SMYD3: variants seen among roughly 807,000 people sequenced by gnomAD.
The protein encoded by SMYD3 is histone-lysine N-methyltransferase SMYD3.
SMYD3 carries 36 observed loss-of-function variants against 57.7 expected under a neutral mutation model. The ratio of observed to expected loss-of-function variants is 0.62; its 90% confidence interval spans 0.48 to 0.82. The LOEUF (loss-of-function observed/expected upper bound fraction) is 0.82. Among genes scored for constraint, SMYD3 ranks in the 40% least tolerant of loss-of-function variants. The pLI is 0.00. For missense variants in SMYD3, 515 were observed against 538.8 expected, an observed-to-expected ratio of 0.96 and a Z score of 0.44; for synonymous variants, 211 against 195.0, an observed-to-expected ratio of 1.08 and a Z score of -0.68.
chr1:245,855,182 T>C (rs1269529511), intron 10 of SMYD3, among the ~76,000 whole-genome samples: 1 of 152,226 alleles, frequency 6.6e-6, no homozygotes, highest in African/African-American at 2.4e-5. Flanking sequence ...CTGAAAGTCC[T>C]CTTCAAAGCC....
intron 5 of SMYD3, among the ~76,000 whole-genome samples, chr1:246,316,493 G>A (rs1161790343): frequency 6.6e-6 from 1 of 150,460 alleles, no homozygotes; most frequent in Non-Finnish European, 1.5e-5. Context: ...CTGAGTAGCT[G>A]GGATTACAGG....
chr1:246,067,736 C>T (rs779625208), intron 5 of SMYD3, among the ~76,000 whole-genome samples: 7 of 152,128 alleles, frequency 4.6e-5, no homozygotes, highest in African/African-American at 1.4e-4. Context: ...TGCACAGCGA[C>T]GATTTACATC....
intron 5 of SMYD3, among the ~76,000 whole-genome samples, chr1:246,208,846 G>A (rs1055493489): frequency 6.6e-6 from 1 of 152,048 alleles, no homozygotes; most frequent in African/African-American, 2.4e-5. Flanking sequence ...ATGTGGAATG[G>A]GGGAAAACCA....
chr1:245,877,369 G>T lies in SMYD3; in HGVS notation c.814-13483C>A, dbSNP rs182505703. ...AGGTAGAGAGGTAGGGAAGGGGTCA[G>T]ATCAAAGAATGAATTTGATCCTGCA... On this transcript the variant is annotated intron_variant, in intron 8 of 11. Coordinates refer to ENST00000490107, the MANE Select transcript of SMYD3 (RefSeq NM_001167740.2). 2.0e-5 allele frequency among the ~76,000 whole-genome samples: 3 copies of T among 152,352 alleles called. No individual in the cohort carries two copies. In the East Asian group the frequency reaches 5.8e-4, roughly 29 times the overall value.
chr1:245,914,996 A>C lies in SMYD3; in HGVS notation c.813+534T>G, dbSNP rs34300391. Reference sequence around the variant, plus strand: ...GGGACATGAGGGCACTTTTTTGGGAAACGAAACCATTCTGTATCTTGATTT... The same window carrying C: ...GGGACATGAGGGCACTTTTTTGGGACACGAAACCATTCTGTATCTTGATTT... On this transcript the variant is annotated intron_variant, in intron 8 of 11. Transcript: ENST00000490107. Among the ~76,000 whole-genome samples the C allele has an allele frequency of 6.1e-3, 931 of 152,208 alleles. 5 individuals are homozygous for C. Among genetic ancestry groups the C allele is most frequent in the Admixed American group, 0.012 (184 of 15,282 alleles).
intron 5 of SMYD3, among the ~76,000 whole-genome samples, chr1:246,051,338 C>T (rs1455867023): frequency 6.6e-6 from 1 of 151,984 alleles, no homozygotes; most frequent in Non-Finnish European, 1.5e-5. Context: ...ACAGGATGGT[C>T]TCGAACTCCT....
chr1:246,247,080 T>C (rs1413291376), intron 5 of SMYD3, among the ~76,000 whole-genome samples: 1 of 152,146 alleles, frequency 6.6e-6, no homozygotes, highest in African/African-American at 2.4e-5. Flanking sequence ...TACAGAATTG[T>C]AAACTTAATT....
chr1:245,858,820 G>A, intron 9 of SMYD3, 150 bp from the exon 10 acceptor site: 1 of 752,458 alleles, frequency 1.3e-6, no homozygotes, highest in Non-Finnish European at 2.1e-6. Flanking sequence ...AAACACACTT[G>A]AGAAGCAAAA....
At chr1:246,147,232 T>C (rs2061861277) in intron 5 of SMYD3, among the ~76,000 whole-genome samples, 1 of 149,122 alleles carries the variant, frequency 6.7e-6, no homozygotes, top group South Asian at 2.1e-4. Context: ...AATTTCCCAG[T>C]CCAAGGAAAG....
At chr1:246,016,676 A>G (rs1450230091) in intron 5 of SMYD3, among the ~76,000 whole-genome samples, 1 of 152,086 alleles carries the variant, frequency 6.6e-6, no homozygotes, top group Non-Finnish European at 1.5e-5. Context: ...TCTTGCTCTC[A>G]GTAGGACAAA....
At chr1:246,248,633 TTCC>T (rs796432563) in intron 5 of SMYD3, among the ~76,000 whole-genome samples, 6 of 96,370 alleles carry the variant, frequency 6.2e-5, no homozygotes, top group African/African-American at 2.3e-4. Context: ...CTCTCTGACT[TTCC>T]TTTTTTTTTT....
At chr1:245,985,565 C>T (rs2058688050) in intron 5 of SMYD3, among the ~76,000 whole-genome samples, 1 of 152,164 alleles carries the variant, frequency 6.6e-6, no homozygotes, top group South Asian at 2.1e-4. Flanking sequence ...GTCCAATCCA[C>T]CTCTTAACTG....
At chr1:245,804,828 G>A (rs1229932368) in intron 10 of SMYD3, among the ~76,000 whole-genome samples, 1 of 152,122 alleles carries the variant, frequency 6.6e-6, no homozygotes, top group Non-Finnish European at 1.5e-5. Context: ...GAACCTGCCA[G>A]TGCCTGGATC....
rs138087298 is a variant in SMYD3, at chr1:246,064,782, C to A, written c.532-134845G>T. Among the ~76,000 whole-genome samples the A allele has an allele frequency of 5.4e-4, 83 of 152,352 alleles. 1 individual carries two copies. The East Asian group carries it at 0.014, about 26-fold the overall frequency. On this transcript the variant is annotated intron_variant, in intron 5 of 11. Transcript: ENST00000490107. ...CCATCCCCCGGCCTTCTAGACCGGA[C>A]TGAACTTAGACGATTTTGGCACAGA...
intron 5 of SMYD3, among the ~76,000 whole-genome samples, chr1:246,241,140 T>A (rs2063600801): frequency 6.6e-6 from 1 of 151,804 alleles, no homozygotes; most frequent in South Asian, 2.1e-4. Context: ...TGAACAGGAG[T>A]GGTGAGAGAG....
At chr1:246,050,333 A>G (rs1185606698) in intron 5 of SMYD3, among the ~76,000 whole-genome samples, 2 of 152,234 alleles carry the variant, frequency 1.3e-5, no homozygotes, top group Non-Finnish European at 2.9e-5. Context: ...AATGTACAAC[A>G]TATTTCTTAA....
rs1442801406 is a variant in SMYD3 at position 246,203,365 on chromosome 1, C to T, written c.531+123836G>A. Among the ~76,000 whole-genome samples, 1 of 152,204 alleles carries T rather than the reference C, an allele frequency of 6.6e-6. No individual in the cohort carries two copies. The highest frequency in any genetic ancestry group is 2.4e-5 in the African/African-American group (1 of 41,454). Reference sequence around the variant, plus strand: ...CCATCAATTCTCTCCCGCTTCTGGACGCCAGCACCTCCCCATGGTTGTTCG... The same window carrying T: ...CCATCAATTCTCTCCCGCTTCTGGATGCCAGCACCTCCCCATGGTTGTTCG... On this transcript the variant is annotated intron_variant, in intron 5 of 11. Coordinates refer to ENST00000490107, the MANE Select transcript of SMYD3 (RefSeq NM_001167740.2). This position sits in a 1 kb window ranked among gnomAD's most constrained non-coding sequence, Gnocchi z 4.6.
intron 1 of SMYD3, among the ~76,000 whole-genome samples, chr1:246,384,295 C>T (rs1250147641): frequency 1.3e-5 from 2 of 151,888 alleles, no homozygotes; most frequent in African/African-American, 2.4e-5. Context: ...TAGGTTGAGA[C>T]TAAATTTAGA....
chr1:246,154,796 T>G (rs2061997723), intron 5 of SMYD3, among the ~76,000 whole-genome samples: 1 of 152,014 alleles, frequency 6.6e-6, no homozygotes, highest in Non-Finnish European at 1.5e-5. Flanking sequence ...TTTGTTTTTT[T>G]TTTGAGATGG....
Sources: gnomAD v4.1 joint callset for allele counts (sites outside exome capture counted in the v4.1 genomes callset) on GRCh38, gnomAD v4.1.1 for gene constraint, Gnocchi (gnomAD v3.1) non-coding constraint, MANE v1.5 for transcripts, NCBI Gene and HGNC (gene_info 2026-07-23, HGNC 2026-07-21) for gene names.